The following PRUNE2 variants were observed in gnomAD, a reference collection of about 807,000 sequenced individuals.
PRUNE2 encodes the protein protein prune homolog 2.
Under a neutral mutation model 252.0 loss-of-function variants are expected in PRUNE2, and 164 were observed. The observed-to-expected ratio is 0.65, with a 90% confidence interval of 0.57 to 0.74. The LOEUF (loss-of-function observed/expected upper bound fraction) is 0.74. Ranked by LOEUF, PRUNE2 falls within the 30% of genes least tolerant of loss-of-function variation. The pLI, the probability that PRUNE2 is intolerant of heterozygous loss-of-function variation, is 0.00. For synonymous variants in PRUNE2, 1,292 were observed against 1,350.2 expected (o/e 0.96, Z 0.94); for missense variants, 3,495 against 3,711.0 (o/e 0.94, Z 1.51).
rs143096119 is a variant in PRUNE2, at chr9:76,696,446, G to T, written c.8276+6891C>A. On this transcript the variant is annotated intron_variant, in intron 9 of 18. Coordinates refer to ENST00000376718, the MANE Select transcript of PRUNE2 (RefSeq NM_015225.3). The stretch of plus-strand genomic sequence containing the variant: ...CCCTCCGACTTCCACTAGGTTTTTT[G>T]TTTGTTTGTTTGTTTGTTATCCAGG... Among the ~76,000 whole-genome samples, 967 of 152,010 alleles carry T rather than the reference G, an allele frequency of 6.4e-3. 8 individuals carry two copies. Among genetic ancestry groups the T allele is most frequent in the African/African-American group, 0.022 (915 of 41,460 alleles).
At chr9:76,876,647 C>A (rs555541447) in intron 1 of PRUNE2, among the ~76,000 whole-genome samples, 3 of 152,156 alleles carry the variant, frequency 2.0e-5, no homozygotes, top group Admixed American at 2.0e-4. Flanking sequence ...TTAGTGGAAT[C>A]AACAAAGAGA....
At chr9:76,767,826 T>C (rs1033172181) in intron 6 of PRUNE2, among the ~76,000 whole-genome samples, 2 of 152,204 alleles carry the variant, frequency 1.3e-5, no homozygotes, top group African/African-American at 4.8e-5. Context: ...ATCCGAACAC[T>C]GTCCTTTTCG....
At chr9:76,737,662 G>A (rs1384447681) in intron 6 of PRUNE2, 2 of 152,116 alleles carry the variant, frequency 1.3e-5, no homozygotes, top group Non-Finnish European at 2.9e-5. Context: ...TGTCAAAGAG[G>A]GAATACTAAG....
At chr9:76,814,951 A>G (rs1199941252) in intron 6 of PRUNE2, among the ~76,000 whole-genome samples, 2 of 152,182 alleles carry the variant, frequency 1.3e-5, no homozygotes, top group African/African-American at 4.8e-5. Context: ...TTCTAGATCA[A>G]GCCAAATAAC....
intron 15 of PRUNE2, among the ~76,000 whole-genome samples, chr9:76,633,096 C>G (rs916703292): frequency 6.6e-6 from 1 of 151,818 alleles, no homozygotes; most frequent in Non-Finnish European, 1.5e-5. Flanking sequence ...GTGGCACATG[C>G]CTGTAATCCC....
rs764404322 is a variant in PRUNE2 at position 76,826,750 on chromosome 9, AAATGCTCTTAAAGC to A, written c.509-32_509-19del. The A allele has an allele frequency of 1.9e-6, 3 of 1,574,438 alleles. No homozygotes were observed. Among genetic ancestry groups the A allele is most frequent in the South Asian group, 2.3e-5 (2 of 85,822 alleles). On this transcript the variant is annotated intron_variant, in intron 4 of 18. Transcript: ENST00000376718. Reference sequence around the variant, plus strand: ...AATGCTACCTGAAAGGTATGAATAAAAATGCTCTTAAAGCTTTCCAGCCAAGCCAGAACAGGGGC... The same window carrying A: ...AATGCTACCTGAAAGGTATGAATAAATTTCCAGCCAAGCCAGAACAGGGGC...
intron 9 of PRUNE2, among the ~76,000 whole-genome samples, chr9:76,658,453 G>A (rs1277671598): frequency 1.3e-5 from 2 of 152,236 alleles, no homozygotes; most frequent in African/African-American, 2.4e-5. Flanking sequence ...AAATCTAAGA[G>A]AAACCCAAGT....
At chr9:76,894,332 T>A (rs2133571049) in intron 1 of PRUNE2, among the ~76,000 whole-genome samples, 1 of 152,230 alleles carries the variant, frequency 6.6e-6, no homozygotes. Flanking sequence ...CAAACCAGCT[T>A]GCTAAGGGCC....
At chr9:76,756,735 C>A (rs2039880) in intron 6 of PRUNE2, among the ~76,000 whole-genome samples, 84,141 of 152,000 alleles carry the variant, frequency 0.55, 24,696 homozygotes, top group East Asian at 0.74. Context: ...GTCTGCAAAC[C>A]TTTGTCATGG....
chr9:76,704,444 C>T (rs1054796359), intron 8 of PRUNE2, among the ~76,000 whole-genome samples: 4 of 152,116 alleles, frequency 2.6e-5, no homozygotes, highest in South Asian at 2.1e-4. Flanking sequence ...AGGCTGGTCT[C>T]GAACACCTGA....
rs1833758707 is a variant in PRUNE2, at chr9:76,624,359, A to C, written c.9188+93T>G. 4.1e-6 allele frequency: 3 copies of C among 738,390 alleles called. No homozygotes were observed. In the South Asian group the frequency reaches 1.2e-4, roughly 31 times the overall value. 45.7% of individuals were successfully genotyped at this position (738,390 alleles called of 1,614,324 possible). ...CTAAAGTGCATTATTATCAGGAAGC[A>C]GGAATAAAACACCAGGCATGCAGAT... is the stretch of plus-strand genomic sequence containing the variant. On this transcript the variant is annotated intron_variant, in intron 17 of 18. Coordinates refer to ENST00000376718, the MANE Select transcript of PRUNE2 (RefSeq NM_015225.3).
Position 76,854,169 on chromosome 9 carries a change from C to A in PRUNE2, c.76G>T (p.Gly26Trp). ...KRLEKVHVVI[G>W]PKSCDLDSLI... ...GAATCCAAGTCACACGATTTAGGCCCAATAACCACATGGACCTTCTCCAAG... is the reference window on the plus strand; with the variant it reads ...GAATCCAAGTCACACGATTTAGGCCAAATAACCACATGGACCTTCTCCAAG... Residue 26 changes from glycine to tryptophan, a missense_variant, in exon 2 of 19, where the codon GGG (glycine) becomes TGG (tryptophan). Transcript: ENST00000376718. 1.2e-6 allele frequency: 2 copies of A among 1,604,928 alleles called. No individual in the cohort carries two copies. Among genetic ancestry groups the A allele is most frequent in the Non-Finnish European group, 1.7e-6 (2 of 1,174,020 alleles).
Position 76,652,480 on chromosome 9 carries a change from T to C in PRUNE2, c.8557+3A>G. 4 of 1,604,992 alleles carry C rather than the reference T, an allele frequency of 2.5e-6. No individual in the cohort carries two copies. The highest frequency in any genetic ancestry group is 3.4e-6 in the Non-Finnish European group (4 of 1,173,574). On this transcript the variant is annotated splice_donor_region_variant and intron_variant, in intron 11 of 18. Transcript: ENST00000376718. Reference sequence around the variant, plus strand: ...CTTTGGCCTTGCCAACTTAGTGACTTACCATGGCCAGTGTACTCAAAAGAA... The same window carrying C: ...CTTTGGCCTTGCCAACTTAGTGACTCACCATGGCCAGTGTACTCAAAAGAA...
chr9:76,689,819 A>G (rs2044516869), intron 9 of PRUNE2, among the ~76,000 whole-genome samples: 1 of 152,212 alleles, frequency 6.6e-6, no homozygotes, highest in Non-Finnish European at 1.5e-5. Context: ...AAGTGAATCC[A>G]AATGAATTCT....
At chr9:76,795,440 T>C (rs2056000413) in intron 6 of PRUNE2, among the ~76,000 whole-genome samples, 1 of 152,158 alleles carries the variant, frequency 6.6e-6, no homozygotes, top group African/African-American at 2.4e-5. Context: ...GTGAATCCCA[T>C]CTTAGCAGAC....
chr9:76,674,145 T>C (rs1156734425), intron 9 of PRUNE2, among the ~76,000 whole-genome samples: 2 of 151,582 alleles, frequency 1.3e-5, no homozygotes, highest in Admixed American at 6.6e-5. Context: ...TGATTGTATA[T>C]CTAGAAAACC....
intron 4 of PRUNE2, among the ~76,000 whole-genome samples, chr9:76,840,433 C>T (rs1265905137): frequency 6.6e-6 from 1 of 152,042 alleles, no homozygotes; most frequent in Non-Finnish European, 1.5e-5. Context: ...GATACAGCCA[C>T]GGGGATGAAA....
intron 4 of PRUNE2, among the ~76,000 whole-genome samples, chr9:76,846,018 A>G (rs2059652690): frequency 6.6e-6 from 1 of 152,222 alleles, no homozygotes; most frequent in Non-Finnish European, 1.5e-5. Context: ...ATATGTTACA[A>G]GACAGGGGAG....
Position 76,703,406 on chromosome 9 carries a change from A to T in PRUNE2, c.8207T>A (p.Ile2736Asn), listed in dbSNP as rs1346647224. ...CTCCTCCTCCATTTCCGTGTCAGGGATCATGTTTTTCTGAACAGGCTGTGG... is the reference window on the plus strand; with the variant it reads ...CTCCTCCTCCATTTCCGTGTCAGGGTTCATGTTTTTCTGAACAGGCTGTGG... ...LSPQPVQKNM[I>N]PDTEMEEETE... Residue 2736 changes from isoleucine (I) to asparagine (N), a missense_variant, in exon 9 of 19, where the codon ATC (isoleucine) becomes AAC (asparagine). Transcript: ENST00000376718. The T allele has an allele frequency of 1.2e-6, 2 of 1,613,334 alleles. No homozygotes were observed. Among genetic ancestry groups the T allele is most frequent in the South Asian group, 1.1e-5 (1 of 91,020 alleles).
Sources: allele counts gnomAD v4.1 joint callset (sites outside exome capture counted in the v4.1 genomes callset), GRCh38; gene constraint gnomAD v4.1.1; transcripts MANE v1.5; gene names NCBI Gene and HGNC (gene_info 2026-07-23, HGNC 2026-07-21).